The following EXD3 variants were observed in gnomAD, a reference collection of about 807,000 sequenced individuals.
EXD3 encodes the protein exonuclease 3'-5' domain containing 3.
EXD3 carries 92 observed loss-of-function variants against 98.0 expected under a neutral mutation model. The ratio of observed to expected loss-of-function variants is 0.94; its 90% confidence interval spans 0.79 to 1.12. EXD3 has a LOEUF of 1.12. Among genes scored for constraint, EXD3 ranks in the 50% most tolerant of loss-of-function variants. The pLI is 0.00. For missense variants in EXD3, 1,222 were observed against 1,191.6 expected (o/e 1.03, Z -0.38); for synonymous variants, 569 against 526.0 (o/e 1.08, Z -1.12).
At position 137,351,127 on chromosome 9, in the gene EXD3, G is replaced by C. The variant is rs1834274979; in HGVS notation, c.1405C>G (p.Leu469Val). Residue 469 changes from leucine (L) to valine (V), a missense_variant, in exon 14 of 22, where the codon CTG becomes GTG. Physicochemically the swap from Leu to Val is conservative, Grantham distance 32. Transcript: ENST00000340951. ...TKLGYGMVGD[L>V]QKLGTSCPAL... ...GGGCAGGACGTGCCCAGTTTTTGCA[G>C]GTCCCCCACCATCCCGTAGCCTGTG... 6.3e-7 allele frequency: 1 copy of C among 1,580,696 alleles called. No homozygotes were observed. The highest frequency in any genetic ancestry group is 1.3e-5 in the African/African-American group (1 of 74,250).
intron 10 of EXD3, chr9:137,353,599 C>G: frequency 1.0e-6 from 1 of 986,000 alleles, no homozygotes; most frequent in Non-Finnish European, 1.2e-6. Flanking sequence ...TCTCCCACCC[C>G]GCAGCCACCG....
chr9:137,332,282 A>T (rs181891611), intron 17 of EXD3, among the ~76,000 whole-genome samples: 39 of 152,352 alleles, frequency 2.6e-4, no homozygotes, highest in Admixed American at 2.2e-3. Context: ...TAGCCAAAGC[A>T]GTCCTAAGGA....
intron 17 of EXD3, among the ~76,000 whole-genome samples, chr9:137,328,565 G>A: frequency 6.8e-6 from 1 of 147,880 alleles, no homozygotes; most frequent in Non-Finnish European, 1.5e-5. Flanking sequence ...GGAAGAAACA[G>A]ACTAGTTACA....
intron 19 of EXD3, among the ~76,000 whole-genome samples, chr9:137,322,699 A>G (rs1293151943): frequency 8.4e-4 from 38 of 45,440 alleles, no homozygotes; most frequent in Admixed American, 3.3e-3. Flanking sequence ...CCGGACCCCC[A>G]AGAGATTCTC....
intron 3 of EXD3, chr9:137,374,608 G>A (rs969639531): frequency 1.9e-5 from 19 of 985,320 alleles, no homozygotes; most frequent in Non-Finnish European, 2.0e-5. Context: ...TGGAGCACAC[G>A]CACATGAGTG....
At chr9:137,307,331 G>T (rs1475943923) in intron 21 of EXD3, 68 bp from the exon 22 acceptor site, 1 of 1,439,024 alleles carries the variant, frequency 6.9e-7, no homozygotes, top group Non-Finnish European at 9.1e-7. Context: ...TGCTCCCAGA[G>T]TGGTGCAGTT....
rs533695908 is a variant in EXD3 at position 137,353,934 on chromosome 9, G to A, written c.870+405C>T. The A allele has an allele frequency of 1.0e-3, 1,067 of 1,030,030 alleles. 1 individual carries two copies. Among genetic ancestry groups the A allele is most frequent in the Non-Finnish European group, 1.2e-3 (1,018 of 859,680 alleles). The allele number at this position is 1,030,030 out of a possible 1,614,324, so 63.8% of individuals were successfully genotyped here. ...GGAAGCCGCCCGCATTCTTCAGGAC[G>A]TCCGCTGCCCTTCCGGCCGGCTCTG... On this transcript the variant is annotated intron_variant, in intron 10 of 21. Transcript: ENST00000340951.
intron 1 of EXD3, among the ~76,000 whole-genome samples, chr9:137,416,831 G>A (rs923973183): frequency 6.6e-6 from 1 of 150,600 alleles, no homozygotes; most frequent in Non-Finnish European, 1.5e-5. Flanking sequence ...TCTTGGAGGC[G>A]CCCCGGGCAG....
chr9:137,349,516 C>T lies in EXD3; in HGVS notation c.1510G>A (p.Val504Met), dbSNP rs79140116. 0.14 allele frequency: 225,509 copies of T among 1,592,100 alleles called. 18,665 individuals carry two copies. Among genetic ancestry groups the T allele is most frequent in the Admixed American group, 0.31 (17,631 of 56,986 alleles). ...LVHRQMRVAS[V>M]PAPAVDRARE... ...GCCCTGTCCACGGCTGGGGCTGGCA[C>T]GCTCGCCACCCGCATCTGCTAAGAC... The change falls in exon 15 of 22, where the codon GTG becomes ATG. Residue 504 changes from valine to methionine, a missense_variant. Coordinates refer to ENST00000340951, the MANE Select transcript of EXD3 (RefSeq NM_017820.5). The surrounding 1 kb of genome is among the most constrained non-coding windows in gnomAD (Gnocchi z 7.4).
At position 137,366,553 on chromosome 9, in the gene EXD3, C is replaced by T. The variant is rs1421179385; in HGVS notation, c.596G>A (p.Arg199Lys). The T allele has an allele frequency of 6.4e-7, 1 of 1,552,060 alleles. No homozygotes were observed. The highest frequency in any genetic ancestry group is 2.0e-5 in the Admixed American group (1 of 51,136). The change falls in exon 7 of 22, where the codon AGG becomes AAG. Residue 199 changes from arginine (R) to lysine (K), a missense_variant. Transcript: ENST00000340951. ...CCAGGAATCCATGAGGACCAGCAGC[C>T]TCCTCTGGAGGTCCGGGAAGCCGGC... ...YVAGFPDLQR[R>K]LLVLMDSWCQ...
At chr9:137,397,572 G>C (rs767323088) in intron 1 of EXD3, among the ~76,000 whole-genome samples, 4 of 152,154 alleles carry the variant, frequency 2.6e-5, no homozygotes, top group Non-Finnish European at 2.9e-5. Context: ...ACAAAAAACA[G>C]AGAACAGAAA....
chr9:137,322,447 C>T (rs987866558), intron 19 of EXD3, among the ~76,000 whole-genome samples: 1 of 102,892 alleles, frequency 9.7e-6, no homozygotes, highest in Non-Finnish European at 2.1e-5. Context: ...TCACCCCGGA[C>T]CCACGAGGGA....
rs535582807 is a variant in EXD3, at chr9:137,372,918, C to T, written c.449G>A (p.Gly150Asp). Residue 150 changes from glycine (G) to aspartate (D), a missense_variant, in exon 5 of 22, where the codon GGC (glycine) becomes GAC (aspartate). By Grantham distance (94) the Gly-to-Asp change is moderately conservative. Transcript: ENST00000340951. Reference protein sequence around the residue: ...LAHVHRLHHEGRFREAATLGA... With the variant: ...LAHVHRLHHEDRFREAATLGA... ...TGGGCCACTCACTTCTCTGAACCTG[C>T]CCTCGTGGTGGAGGCGGTGGACGTG... The T allele has an allele frequency of 1.3e-4, 211 of 1,599,324 alleles. No homozygotes were observed. Among genetic ancestry groups the T allele is most frequent in the Admixed American group, 2.3e-4 (14 of 60,004 alleles).
chr9:137,389,515 G>C (rs554901917), intron 2 of EXD3, among the ~76,000 whole-genome samples: 1 of 146,538 alleles, frequency 6.8e-6, no homozygotes, highest in Non-Finnish European at 1.6e-5. Flanking sequence ...CGGGATGAGG[G>C]GGAGAGCCCA....
At chr9:137,342,257 T>C (rs1833685971) in intron 17 of EXD3, among the ~76,000 whole-genome samples, 1 of 67,100 alleles carries the variant, frequency 1.5e-5, no homozygotes, top group South Asian at 6.2e-4. Context: ...CTCCCAGGAG[T>C]CAGAGGAAAC....
chr9:137,358,953 CT>C (rs1347493016), intron 7 of EXD3, among the ~76,000 whole-genome samples: 192 of 144,326 alleles, frequency 1.3e-3, no homozygotes, highest in African/African-American at 3.8e-3. Context: ...GCAAGGCCTA[CT>C]TTTTTTTTTT....
intron 2 of EXD3, among the ~76,000 whole-genome samples, chr9:137,388,868 G>A (rs1177887820): frequency 6.6e-6 from 1 of 152,190 alleles, no homozygotes; most frequent in East Asian, 1.9e-4. Context: ...GCGCTGTGGT[G>A]ACCTGCATGT....
At chr9:137,368,693 GC>G (rs1420567178) in intron 5 of EXD3, among the ~76,000 whole-genome samples, 4 of 152,260 alleles carry the variant, frequency 2.6e-5, no homozygotes, top group Admixed American at 2.6e-4. Flanking sequence ...CAAAATAGCG[GC>G]CTGGGAAAGC....
intron 19 of EXD3, among the ~76,000 whole-genome samples, chr9:137,311,166 G>GCTAGGGAGACAGGA (rs1465390870): frequency 1.3e-5 from 2 of 152,208 alleles, no homozygotes; most frequent in Non-Finnish European, 2.9e-5. Flanking sequence ...GCCAGGCTGG[G>GCTAGGGAGACAGGA]CTAGGGAGAC....
Sources: gnomAD v4.1 joint callset for allele counts (sites outside exome capture counted in the v4.1 genomes callset) on GRCh38, gnomAD v4.1.1 for gene constraint, Gnocchi (gnomAD v3.1) non-coding constraint, MANE v1.5 for transcripts, NCBI Gene and HGNC (gene_info 2026-07-23, HGNC 2026-07-21) for gene names.